Variants in MINDY2 observed in about 807,000 individuals in gnomAD.
MINDY2 encodes the protein ubiquitin carboxyl-terminal hydrolase MINDY-2.
A neutral mutation model predicts 68.2 loss-of-function variants in MINDY2; 52 were observed. That is an observed-to-expected ratio of 0.76 (90% confidence interval 0.61 to 0.96). MINDY2 has a LOEUF of 0.96. MINDY2 is among the 40% of genes least tolerant of loss of function. MINDY2 has a pLI of 0.00. For missense variants in MINDY2, 881 were observed against 773.4 expected (o/e 1.14, Z -1.65); for synonymous variants, 372 against 303.0 (o/e 1.23, Z -2.36).
chr15:58,854,496 A>G lies in MINDY2; in HGVS notation c.1752A>G (p.Ala584=). Residue 584 remains alanine (A), a synonymous_variant, in exon 9 of 9, where the codon GCA becomes GCG. Coordinates refer to ENST00000559228, the MANE Select transcript of MINDY2 (RefSeq NM_001040450.3). ...ASTQAQQGQP[A]QASPSSGRQS... is the part of the protein sequence containing the mutation. ...TTTTCTTAAAGCAGGGCCAGCCAGC[A>G]CAAGCCTCTCCATCAAGTGGAAGAC... 6.2e-7 allele frequency: 1 copy of G among 1,613,756 alleles called. No homozygotes were observed.
intron 2 of MINDY2, among the ~76,000 whole-genome samples, chr15:58,799,294 G>A (rs563599814): frequency 7.2e-5 from 11 of 152,216 alleles, no homozygotes; most frequent in Admixed American, 1.3e-4. Context: ...ACGGCTGGGC[G>A]CGGTGGCTCA....
chr15:58,805,349 A>T (rs1032501460), intron 3 of MINDY2, among the ~76,000 whole-genome samples: 3 of 152,190 alleles, frequency 2.0e-5, no homozygotes. Flanking sequence ...ACCTAATTTT[A>T]GAAAGACCAA....
At chr15:58,839,359 T>C (rs1367717903) in intron 6 of MINDY2, among the ~76,000 whole-genome samples, 2 of 149,030 alleles carry the variant, frequency 1.3e-5, no homozygotes, top group African/African-American at 5.0e-5. Context: ...TGAGATGAAG[T>C]CTCATTCTGT....
chr15:58,858,808 A>G lies in MINDY2; in HGVS notation c.*4198A>G, dbSNP rs539557445. 1.6e-4 allele frequency: 25 copies of G among 152,272 alleles called. No homozygotes were observed. The highest frequency in any genetic ancestry group is 6.0e-4 in the African/African-American group (25 of 41,586). 9.4% of individuals were successfully genotyped at this position (152,272 alleles called of 1,614,324 possible). A position where few individuals can be genotyped will look rare whatever the true frequency, so the allele number is the denominator to read the frequency against. On this transcript the variant is annotated 3_prime_UTR_variant, in exon 9 of 9. Transcript: ENST00000559228. ...ATAAAATAAGATGGAGGCATTACAA[A>G]TAGTCTACAGTTTGTATTTTAAGGA...
In MINDY2 at chr15:58,830,646, T is replaced by TCA. The variant is rs569177915; in HGVS notation, c.1226-1125_1226-1124dup. ...ACATGTATTTTCTCTATAAGGCACA[T>TCA]CACAGCCTTTGTCTACTGAATGCTA... is the stretch of plus-strand genomic sequence containing the variant. On this transcript the variant is annotated intron_variant, in intron 5 of 8. Transcript: ENST00000559228. Among the ~76,000 whole-genome samples, 480 of 152,320 alleles carry TCA rather than the reference T, an allele frequency of 3.2e-3. 4 individuals are homozygous for TCA. Among genetic ancestry groups the TCA allele is most frequent in the African/African-American group, 0.011 (445 of 41,568 alleles).
At position 58,846,308 on chromosome 15, in the gene MINDY2, T is replaced by C. The variant is rs2141056882; in HGVS notation, c.1369-989T>C. On this transcript the variant is annotated intron_variant, in intron 6 of 8. Transcript: ENST00000559228. ...ATTGCATGCCTGTATCAAAATACCA[T>C]GTAGGCCAGGCGCGGTGGCTCACGC... Among the ~76,000 whole-genome samples, 4 of 152,248 alleles carry C rather than the reference T, an allele frequency of 2.6e-5. No individual in the cohort carries two copies. In the Middle Eastern group the frequency reaches 0.01, roughly 388 times the overall value.
intron 6 of MINDY2, among the ~76,000 whole-genome samples, chr15:58,839,075 T>C (rs1399405114): frequency 6.6e-6 from 1 of 152,078 alleles, no homozygotes; most frequent in African/African-American, 2.4e-5. Flanking sequence ...CTAAACCCTA[T>C]ATATGAAAAG....
Position 58,850,873 on chromosome 15 carries a change from C to T in MINDY2, c.1543-898C>T, listed in dbSNP as rs932756800. Among the ~76,000 whole-genome samples the T allele has an allele frequency of 3.3e-5, 5 of 152,074 alleles. 1 individual carries two copies. Among genetic ancestry groups the T allele is most frequent in the Admixed American group, 1.3e-4 (2 of 15,248 alleles). On this transcript the variant is annotated intron_variant, in intron 7 of 8. Transcript: ENST00000559228. ...AAGTTCAGGGAATATAGGTGTGTGC[C>T]GTTGTACCTGGCTCCCCGCTACTTT...
At chr15:58,835,685 A>C in intron 6 of MINDY2, among the ~76,000 whole-genome samples, 1 of 152,126 alleles carries the variant, frequency 6.6e-6, no homozygotes, top group South Asian at 2.1e-4. Flanking sequence ...ATAAAAATAA[A>C]ATGATACCTA....
intron 6 of MINDY2, among the ~76,000 whole-genome samples, chr15:58,838,700 C>T (rs894329883): frequency 2.0e-5 from 3 of 147,522 alleles, no homozygotes; most frequent in Non-Finnish European, 4.4e-5. Context: ...GATTGTCCTG[C>T]CTCAGCCTCC....
intron 4 of MINDY2, among the ~76,000 whole-genome samples, chr15:58,816,695 T>G (rs1361632008): frequency 6.6e-6 from 1 of 152,182 alleles, no homozygotes; most frequent in African/African-American, 2.4e-5. Flanking sequence ...GGCAATCCTT[T>G]AAACAAAAGG....
At chr15:58,836,476 T>C (rs1386721210) in intron 6 of MINDY2, among the ~76,000 whole-genome samples, 2 of 152,292 alleles carry the variant, frequency 1.3e-5, no homozygotes, top group Admixed American at 6.5e-5. Context: ...AGGGATCCTA[T>C]GGGCATTTGG....
chr15:58,851,478 A>T (rs1159448825), intron 7 of MINDY2, among the ~76,000 whole-genome samples: 1 of 150,492 alleles, frequency 6.6e-6, no homozygotes, highest in Admixed American at 6.7e-5. Context: ...TCTCTCTGTC[A>T]CCCATGCTGG....
rs1305871303 is a variant in MINDY2, at chr15:58,857,536, A to AC, written c.*2926_*2927insC. 8 of 150,874 alleles carry AC rather than the reference A, an allele frequency of 5.3e-5. No individual in the cohort carries two copies. Among genetic ancestry groups the AC allele is most frequent in the Non-Finnish European group, 1.2e-4 (8 of 67,890 alleles). 9.3% of individuals were successfully genotyped at this position (150,874 alleles called of 1,614,324 possible). ...GCAATAGAGCGAGACTCCGTCTCAA[A>AC]AAAAAAAAAAAAAAAAAAATTAGAG... On this transcript the variant is annotated 3_prime_UTR_variant, in exon 9 of 9. Transcript: ENST00000559228.
At chr15:58,803,114 G>T (rs150934206) in intron 3 of MINDY2, among the ~76,000 whole-genome samples, 7 of 152,234 alleles carry the variant, frequency 4.6e-5, no homozygotes, top group African/African-American at 1.7e-4. Flanking sequence ...TAACTCATTT[G>T]TCTTGCAAAA....
At chr15:58,782,815 G>T (rs1901230520) in intron 1 of MINDY2, among the ~76,000 whole-genome samples, 1 of 151,094 alleles carries the variant, frequency 6.6e-6, no homozygotes, top group South Asian at 2.1e-4. Context: ...TTGAATGGAG[G>T]TAATAATGCC....
chr15:58,790,886 A>G (rs1432982639), intron 2 of MINDY2, among the ~76,000 whole-genome samples: 1 of 152,108 alleles, frequency 6.6e-6, no homozygotes, highest in East Asian at 1.9e-4. Flanking sequence ...TTACATCAAA[A>G]TGGAGCGATC....
chr15:58,853,988 T>G (rs1328180319), intron 8 of MINDY2, among the ~76,000 whole-genome samples: 4 of 152,086 alleles, frequency 2.6e-5, no homozygotes, highest in Non-Finnish European at 4.4e-5. Context: ...ATTTACTGTT[T>G]GAAATACCGA....
chr15:58,813,187 T>C (rs921426673), intron 4 of MINDY2, among the ~76,000 whole-genome samples: 6 of 152,118 alleles, frequency 3.9e-5, no homozygotes, highest in Admixed American at 2.0e-4. Flanking sequence ...CAGTTTTACT[T>C]GTTAAAGAGC....
Sources: allele counts gnomAD v4.1 joint callset (sites outside exome capture counted in the v4.1 genomes callset), GRCh38; gene constraint gnomAD v4.1.1; transcripts MANE v1.5; gene names NCBI Gene and HGNC (gene_info 2026-07-23, HGNC 2026-07-21).